Variants in MOB1B observed in about 807,000 individuals in gnomAD.
MOB1B encodes the protein MOB kinase activator 1B, also known as MOB1 Mps One Binder homolog B.
MOB1B carries 19 observed loss-of-function variants against 24.4 expected under a neutral mutation model. The observed-to-expected ratio is 0.78, with a 90% CI of 0.54 to 1.14. The LOEUF (loss-of-function observed/expected upper bound fraction) is 1.14. Ranked by LOEUF, MOB1B falls within the 50% of genes most tolerant of loss-of-function variation. MOB1B has a pLI of 0.00. For synonymous variants in MOB1B, 76 were observed against 82.1 expected (o/e 0.93, Z 0.40); for missense variants, 243 against 259.6 (o/e 0.94, Z 0.44).
At chr4:70,945,438 C>T (rs1158680394) in intron 1 of MOB1B, among the ~76,000 whole-genome samples, 1 of 152,144 alleles carries the variant, frequency 6.6e-6, no homozygotes, top group Non-Finnish European at 1.5e-5. Context: ...TTTGTTTGTT[C>T]AGTTGTGCTA....
At chr4:70,950,674 T>C in intron 1 of MOB1B, 1 of 1,234,658 alleles carries the variant, frequency 8.1e-7, no homozygotes, top group African/African-American at 1.5e-5. Context: ...TAGTTAATAT[T>C]AATCATCATT....
At position 70,950,702 on chromosome 4, in the gene MOB1B, G is replaced by A; in HGVS notation, c.15-8172G>A. The A allele has an allele frequency of 2.0e-6, 3 of 1,505,572 alleles. No homozygotes were observed. The South Asian group carries it at 3.6e-5, about 18-fold the overall frequency. 93.3% of individuals were successfully genotyped at this position (1,505,572 alleles called of 1,614,324 possible). A position where few individuals can be genotyped will look rare whatever the true frequency, so the allele number is the denominator to read the frequency against. Reference sequence around the variant, plus strand: ...TCATCATTATTATCCTGATGTAGGAGTTCTCAGCCTGAAGTTGACTGGAAC... The same window carrying A: ...TCATCATTATTATCCTGATGTAGGAATTCTCAGCCTGAAGTTGACTGGAAC... On this transcript the variant is annotated intron_variant, in intron 1 of 5. Coordinates refer to ENST00000309395, the MANE Select transcript of MOB1B (RefSeq NM_173468.4).
At chr4:70,908,090 A>G (rs1206957761) in intron 1 of MOB1B, among the ~76,000 whole-genome samples, 5 of 148,028 alleles carry the variant, frequency 3.4e-5, no homozygotes, top group Middle Eastern at 3.2e-3. Context: ...CAGTGGCGCG[A>G]TCTCGGCTCA....
Position 70,960,610 on chromosome 4 carries a change from A to G in MOB1B, c.181+1570A>G, listed in dbSNP as rs547022921. Among the ~76,000 whole-genome samples, 11 of 152,270 alleles carry G rather than the reference A, an allele frequency of 7.2e-5. No individual in the cohort carries two copies. In the East Asian group the frequency reaches 2.1e-3, roughly 29 times the overall value. On this transcript the variant is annotated intron_variant, in intron 2 of 5. Coordinates refer to ENST00000309395, the MANE Select transcript of MOB1B (RefSeq NM_173468.4). The stretch of plus-strand genomic sequence containing the variant: ...TTATTGTGATGTCTTAAAACTTACC[A>G]TGACAGCATTTACACAAGAGCCATG...
chr4:70,950,749 C>G (rs78234864), intron 1 of MOB1B: 26 of 1,533,298 alleles, frequency 1.7e-5, no homozygotes, highest in Non-Finnish European at 2.3e-5. Flanking sequence ...AAGTATTTAT[C>G]GAATACCTGA....
intron 1 of MOB1B, among the ~76,000 whole-genome samples, chr4:70,928,486 G>T (rs1357468492): frequency 1.3e-5 from 2 of 151,836 alleles, no homozygotes; most frequent in African/African-American, 4.8e-5. Flanking sequence ...TAGTAGAGAT[G>T]GAGTTTCACC....
chr4:70,936,759 T>G (rs1480156751), intron 1 of MOB1B, among the ~76,000 whole-genome samples: 1 of 152,186 alleles, frequency 6.6e-6, no homozygotes, highest in African/African-American at 2.4e-5. Context: ...GTAAGTATTT[T>G]AAGACCTTAT....
chr4:70,978,566 C>T (rs76962239), intron 4 of MOB1B, among the ~76,000 whole-genome samples: 2,153 of 152,320 alleles, frequency 0.014, 24 homozygotes, highest in Non-Finnish European at 0.021. Context: ...GTTCCCTCTT[C>T]TCCACAGGGA....
chr4:70,963,876 G>C (rs1738412379), intron 2 of MOB1B, among the ~76,000 whole-genome samples: 1 of 152,010 alleles, frequency 6.6e-6, no homozygotes, highest in Non-Finnish European at 1.5e-5. Context: ...AATGTGTCAA[G>C]ATGATTACAA....
intron 1 of MOB1B, among the ~76,000 whole-genome samples, chr4:70,952,638 G>A (rs949684903): frequency 4.4e-4 from 51 of 116,594 alleles, no homozygotes; most frequent in African/African-American, 6.3e-4. Flanking sequence ...GCGAGACGCC[G>A]TCTCAAAAAA....
chr4:70,903,974 C>CTTTTTTTTGTTTTT (rs1735631163), intron 1 of MOB1B, among the ~76,000 whole-genome samples: 1 of 81,006 alleles, frequency 1.2e-5, no homozygotes, highest in Non-Finnish European at 2.1e-5. Context: ...TATTTTAGTT[C>CTTTTTTTTGTTTTT]TTTTTTTTTT....
chr4:70,905,124 C>G (rs1442633853), intron 1 of MOB1B, among the ~76,000 whole-genome samples: 1 of 152,092 alleles, frequency 6.6e-6, no homozygotes, highest in Non-Finnish European at 1.5e-5. Flanking sequence ...CTTTGTCTAC[C>G]GTCAATTAAA....
At chr4:70,913,417 C>T (rs1276192260) in intron 1 of MOB1B, among the ~76,000 whole-genome samples, 1 of 152,062 alleles carries the variant, frequency 6.6e-6, no homozygotes, top group African/African-American at 2.4e-5. Flanking sequence ...CAACCTCAGC[C>T]TCCCAAGTAG....
intron 2 of MOB1B, among the ~76,000 whole-genome samples, chr4:70,960,762 T>A (rs1482082964): frequency 6.6e-6 from 1 of 152,246 alleles, no homozygotes; most frequent in Non-Finnish European, 1.5e-5. Context: ...CAAGACAATA[T>A]TCAGAATGAA....
At chr4:70,917,608 G>A (rs1205818480) in intron 1 of MOB1B, among the ~76,000 whole-genome samples, 2 of 152,152 alleles carry the variant, frequency 1.3e-5, no homozygotes, top group African/African-American at 4.8e-5. Context: ...TTTCTCTGAC[G>A]TTCTCAGAAG....
chr4:70,958,569 A>AATG, intron 1 of MOB1B: 1 of 395,386 alleles, frequency 2.5e-6, no homozygotes, highest in Non-Finnish European at 4.9e-6. Context: ...ATTTTATTAG[A>AATG]ATGAGAGACT....
chr4:70,904,204 G>A (rs983619756), intron 1 of MOB1B, among the ~76,000 whole-genome samples: 1 of 151,238 alleles, frequency 6.6e-6, no homozygotes, highest in Non-Finnish European at 1.5e-5. Flanking sequence ...GGCTGGTCTC[G>A]AACTCCTGAT....
intron 1 of MOB1B, among the ~76,000 whole-genome samples, chr4:70,919,007 A>G (rs1331581869): frequency 2.0e-5 from 3 of 152,168 alleles, no homozygotes; most frequent in Non-Finnish European, 4.4e-5. Context: ...TGTCCTTTGT[A>G]GGGACATGGA....
At chr4:70,933,461 CTT>C (rs1196468495) in intron 1 of MOB1B, among the ~76,000 whole-genome samples, 2 of 149,428 alleles carry the variant, frequency 1.3e-5, no homozygotes, top group African/African-American at 4.9e-5. Context: ...ACTTAAAAAA[CTT>C]TATTTTTGTC....
Sources: allele counts gnomAD v4.1 joint callset (sites outside exome capture counted in the v4.1 genomes callset), GRCh38; gene constraint gnomAD v4.1.1; transcripts MANE v1.5; gene names NCBI Gene and HGNC (gene_info 2026-07-23, HGNC 2026-07-21).